Variants in SLC7A14 observed in about 807,000 individuals in gnomAD.
The protein encoded by SLC7A14 is gamma-aminobutyric acid transporter SLC7A14.
In SLC7A14, 37 loss-of-function variants were observed where a neutral mutation model predicts 60.2. That is an observed-to-expected ratio of 0.61 (90% CI 0.47 to 0.81). SLC7A14 has a LOEUF of 0.81. SLC7A14 is among the 30% of genes least tolerant of loss of function. The pLI, the probability that SLC7A14 is intolerant of heterozygous loss-of-function variation, is 0.00. For synonymous variants in SLC7A14, 399 were observed against 395.8 expected (o/e 1.01, Z -0.10); for missense variants, 886 against 982.7 (o/e 0.90, Z 1.32).
intron 1 of SLC7A14, among the ~76,000 whole-genome samples, chr3:170,584,772 G>T (rs1560288319): frequency 6.6e-6 from 1 of 152,084 alleles, no homozygotes; most frequent in Admixed American, 6.5e-5. Context: ...TGCCCCCAGC[G>T]CTCTCCTAGA....
At chr3:170,531,183 G>T (rs191421211) in intron 1 of SLC7A14, among the ~76,000 whole-genome samples, 4 of 151,978 alleles carry the variant, frequency 2.6e-5, no homozygotes, top group African/African-American at 9.7e-5. Flanking sequence ...CAAATGCTCC[G>T]TGTGGAAAAC....
At chr3:170,516,999 T>G (rs995024970) in intron 2 of SLC7A14, among the ~76,000 whole-genome samples, 1 of 152,152 alleles carries the variant, frequency 6.6e-6, no homozygotes, top group Non-Finnish European at 1.5e-5. Flanking sequence ...GCAAATGGTT[T>G]TCAGCTAGTG....
intron 2 of SLC7A14, among the ~76,000 whole-genome samples, chr3:170,506,715 T>C (rs779931731): frequency 6.6e-6 from 1 of 152,180 alleles, no homozygotes; most frequent in Non-Finnish European, 1.5e-5. Flanking sequence ...ACGACATGCT[T>C]CTCCCTCTCT....
intron 4 of SLC7A14, among the ~76,000 whole-genome samples, chr3:170,493,030 C>G (rs1268944125): frequency 1.3e-5 from 2 of 152,160 alleles, no homozygotes; most frequent in Non-Finnish European, 2.9e-5. Context: ...GGATTCCCCA[C>G]AAATGATTGC....
chr3:170,469,515 G>T (rs1156346657), intron 7 of SLC7A14, among the ~76,000 whole-genome samples: 1 of 152,030 alleles, frequency 6.6e-6, no homozygotes, highest in East Asian at 1.9e-4. Context: ...GGTGGCTATG[G>T]GGGATGGTTA....
Position 170,498,890 on chromosome 3 carries a change from G to C in SLC7A14, c.542-6C>G, listed in dbSNP as rs1482575013. 1.2e-6 allele frequency: 2 copies of C among 1,613,572 alleles called. No homozygotes were observed. The highest frequency in any genetic ancestry group is 1.7e-6 in the Non-Finnish European group (2 of 1,179,696). ...GTATGATTCTTCACCTTTCCCTAGAGAGGAAAGACATGATTTGACATTGTC... is the reference window on the plus strand; with the variant it reads ...GTATGATTCTTCACCTTTCCCTAGACAGGAAAGACATGATTTGACATTGTC... On this transcript the variant is annotated splice_region_variant and splice_polypyrimidine_tract_variant and intron_variant, in intron 3 of 7. Coordinates refer to ENST00000231706, the MANE Select transcript of SLC7A14 (RefSeq NM_020949.3).
intron 6 of SLC7A14, among the ~76,000 whole-genome samples, chr3:170,482,792 A>G (rs1711875577): frequency 2.0e-5 from 3 of 152,230 alleles, no homozygotes. Context: ...TGAGGACTAA[A>G]TGGGATACTG....
chr3:170,501,805 C>G (rs1712617543), intron 2 of SLC7A14, among the ~76,000 whole-genome samples: 1 of 152,194 alleles, frequency 6.6e-6, no homozygotes, highest in Non-Finnish European at 1.5e-5. Flanking sequence ...AAATGCTGTA[C>G]TATATCTAGG....
At chr3:170,542,760 T>G (rs1227087869) in intron 1 of SLC7A14, among the ~76,000 whole-genome samples, 1 of 152,208 alleles carries the variant, frequency 6.6e-6, no homozygotes, top group Non-Finnish European at 1.5e-5. Context: ...TTTTTCTTCT[T>G]TAGTATAAGA....
intron 1 of SLC7A14, among the ~76,000 whole-genome samples, chr3:170,555,606 G>A (rs985317255): frequency 1.3e-5 from 2 of 152,116 alleles, no homozygotes; most frequent in Non-Finnish European, 2.9e-5. Context: ...TACACACCTA[G>A]GCTACATGGT....
intron 2 of SLC7A14, among the ~76,000 whole-genome samples, chr3:170,516,685 C>T (rs189836314): frequency 9.9e-5 from 15 of 152,066 alleles, no homozygotes; most frequent in African/African-American, 1.9e-4. Context: ...GAGGATCACT[C>T]GGGCCCAGGA....
intron 7 of SLC7A14, among the ~76,000 whole-genome samples, chr3:170,472,914 A>G (rs1739960476): frequency 6.6e-6 from 1 of 152,216 alleles, no homozygotes; most frequent in Admixed American, 6.5e-5. Context: ...TGCCTTTAGC[A>G]ATTGAATGGG....
In SLC7A14 at chr3:170,472,698, C is replaced by T. The variant is rs568288950; in HGVS notation, c.1994-5321G>A. On this transcript the variant is annotated intron_variant, in intron 7 of 7. Transcript: ENST00000231706. ...AGGAGAATGGCGTGAACCTGGGAGG[C>T]AGAGCTTGCATTGAGCTGAGATTGT... Among the ~76,000 whole-genome samples, 4 of 148,976 alleles carry T rather than the reference C, an allele frequency of 2.7e-5. No homozygotes were observed. In the East Asian group the frequency reaches 8.0e-4, roughly 30 times the overall value.
chr3:170,531,533 G>T (rs796932699), intron 1 of SLC7A14, among the ~76,000 whole-genome samples: 4 of 152,202 alleles, frequency 2.6e-5, no homozygotes, highest in Non-Finnish European at 4.4e-5. Context: ...TTCTCTTCAC[G>T]CAATTCCCCT....
At chr3:170,530,489 G>T (rs1332596619) in intron 1 of SLC7A14, among the ~76,000 whole-genome samples, 2 of 152,220 alleles carry the variant, frequency 1.3e-5, no homozygotes, top group Non-Finnish European at 2.9e-5. Flanking sequence ...GCTCCGTGGG[G>T]CTCTCTTGCT....
At chr3:170,569,100 G>A (rs996388031) in intron 1 of SLC7A14, among the ~76,000 whole-genome samples, 5 of 152,052 alleles carry the variant, frequency 3.3e-5, no homozygotes, top group Non-Finnish European at 5.9e-5. Context: ...GTTTTCAAAG[G>A]GAATGCTTCC....
At chr3:170,510,705 T>C (rs1276128670) in intron 2 of SLC7A14, among the ~76,000 whole-genome samples, 1 of 152,222 alleles carries the variant, frequency 6.6e-6, no homozygotes, top group Non-Finnish European at 1.5e-5. Context: ...AAGCCAATCT[T>C]CTGGCCCAGA....
chr3:170,536,764 A>C (rs946171976), intron 1 of SLC7A14, among the ~76,000 whole-genome samples: 27 of 152,340 alleles, frequency 1.8e-4, no homozygotes, highest in African/African-American at 6.5e-4. Flanking sequence ...ATAGTTGCAA[A>C]GTGTACTCAT....
At chr3:170,512,351 G>A (rs1418663835) in intron 2 of SLC7A14, among the ~76,000 whole-genome samples, 1 of 152,104 alleles carries the variant, frequency 6.6e-6, no homozygotes, top group African/African-American at 2.4e-5. Context: ...ATCTTTCATG[G>A]GCCTGCACCC....
Sources: allele counts gnomAD v4.1 joint callset (sites outside exome capture counted in the v4.1 genomes callset), GRCh38; gene constraint gnomAD v4.1.1; transcripts MANE v1.5; gene names NCBI Gene and HGNC (gene_info 2026-07-23, HGNC 2026-07-21).